MDGA2: variants seen among roughly 807,000 people sequenced by gnomAD.
MDGA2 encodes the protein MAM domain-containing glycosylphosphatidylinositol anchor protein 2.
A neutral mutation model predicts 117.8 loss-of-function variants in MDGA2; 40 were observed. The observed-to-expected ratio is 0.34, with a 90% CI of 0.26 to 0.44. The LOEUF (loss-of-function observed/expected upper bound fraction) is 0.44. Ranked by LOEUF, MDGA2 falls within the 20% of genes least tolerant of loss-of-function variation. The pLI is 1.00. For synonymous variants in MDGA2, 452 were observed against 439.0 expected, an observed-to-expected ratio of 1.03 and a Z score of -0.37; for missense variants, 1,123 against 1,250.6, an observed-to-expected ratio of 0.90 and a Z score of 1.54.
intron 6 of MDGA2, among the ~76,000 whole-genome samples, chr14:47,079,880 C>A (rs370070324): frequency 6.6e-6 from 1 of 151,610 alleles, no homozygotes. Flanking sequence ...TACAGGCGCC[C>A]GCCACCACGC....
chr14:46,936,420 G>A (rs547072205), intron 9 of MDGA2, among the ~76,000 whole-genome samples: 1 of 152,036 alleles, frequency 6.6e-6, no homozygotes, highest in East Asian at 1.9e-4. Context: ...ATGTATATTG[G>A]TACATGTAGG....
chr14:47,225,573 A>T (rs1395314591), intron 2 of MDGA2, among the ~76,000 whole-genome samples: 2 of 151,222 alleles, frequency 1.3e-5, no homozygotes, highest in South Asian at 4.2e-4. Context: ...CAAAAAACCA[A>T]ACACCGCATG....
intron 1 of MDGA2, among the ~76,000 whole-genome samples, chr14:47,645,209 TA>T (rs1266421924): frequency 6.6e-6 from 1 of 152,044 alleles, no homozygotes; most frequent in Non-Finnish European, 1.5e-5. Flanking sequence ...TCTCTAAAAA[TA>T]ATGCAGCTAC....
intron 1 of MDGA2, among the ~76,000 whole-genome samples, chr14:47,430,865 T>C (rs1299020499): frequency 1.3e-5 from 2 of 152,126 alleles, no homozygotes; most frequent in African/African-American, 4.8e-5. Flanking sequence ...GGCAAGTTAA[T>C]TAATTCAGTT....
At chr14:47,075,929 A>G (rs1311083311) in intron 6 of MDGA2, among the ~76,000 whole-genome samples, 1 of 152,106 alleles carries the variant, frequency 6.6e-6, no homozygotes, top group Non-Finnish European at 1.5e-5. Context: ...CCTCCTATTA[A>G]ACTATTCTCC....
intron 1 of MDGA2, among the ~76,000 whole-genome samples, chr14:47,399,176 A>C (rs1392341568): frequency 6.6e-6 from 1 of 152,204 alleles, no homozygotes; most frequent in Non-Finnish European, 1.5e-5. Context: ...TGTACAGAAG[A>C]GAAATGTCAA....
At chr14:47,335,751 T>TATATATATATATATATATATAC (rs1290712163) in intron 1 of MDGA2, among the ~76,000 whole-genome samples, 2 of 143,080 alleles carry the variant, frequency 1.4e-5, no homozygotes, top group East Asian at 2.2e-4. Context: ...TATATATACA[T>TATATATATATATATATATATAC]ACATACATAC....
At chr14:47,467,263 T>C (rs937680387) in intron 1 of MDGA2, among the ~76,000 whole-genome samples, 18 of 152,126 alleles carry the variant, frequency 1.2e-4, no homozygotes, top group Non-Finnish European at 1.5e-5. Flanking sequence ...AGACTAAGCA[T>C]TATTATGTAC....
In MDGA2 at chr14:47,098,162, G is replaced by GTT. The variant is rs113151791; in HGVS notation, c.926-1041_926-1040dup. ...TATTTAAACTGTTCAATTGTACTGT[G>GTT]TTTTTTTTAATATATTAACTTCAGC... On this transcript the variant is annotated intron_variant, in intron 5 of 16. Coordinates refer to ENST00000399232, the MANE Select transcript of MDGA2 (RefSeq NM_001113498.3). 6.7e-4 allele frequency among the ~76,000 whole-genome samples: 95 copies of GTT among 141,684 alleles called. 2 individuals are homozygous for GTT. The highest frequency in any genetic ancestry group is 2.4e-3 in the African/African-American group (92 of 38,280). The allele number at this position is 141,684 out of a possible 152,430, so 93.0% of individuals were successfully genotyped here. A position where few individuals can be genotyped will look rare whatever the true frequency, so the allele number is the denominator to read the frequency against.
intron 8 of MDGA2, among the ~76,000 whole-genome samples, chr14:46,979,674 T>C (rs1886595245): frequency 1.3e-5 from 2 of 152,082 alleles, no homozygotes; most frequent in African/African-American, 4.8e-5. Context: ...AAACCCTAAT[T>C]TACAGCAGGG....
chr14:47,146,198 A>G lies in MDGA2; in HGVS notation c.596-1924T>C, dbSNP rs565802006. Among the ~76,000 whole-genome samples, 8 of 152,250 alleles carry G rather than the reference A, an allele frequency of 5.3e-5. No individual in the cohort carries two copies. The East Asian group carries it at 1.5e-3, about 29-fold the overall frequency. ...ATCAAAGTAAAGAACAGAATCCAAA[A>G]TTTCCCCATTTTTTAAAAAGTTTTT... On this transcript the variant is annotated intron_variant, in intron 3 of 16. Coordinates refer to ENST00000399232, the MANE Select transcript of MDGA2 (RefSeq NM_001113498.3).
At position 47,107,023 on chromosome 14, in the gene MDGA2, C is replaced by T. The variant is rs189368369; in HGVS notation, c.926-9900G>A. ...GCTATATCTCATTGCCACCCTTCTT[C>T]CCAAGCCAAAGCCTCCTTTGCGTCC... On this transcript the variant is annotated intron_variant, in intron 5 of 16. Coordinates refer to ENST00000399232, the MANE Select transcript of MDGA2 (RefSeq NM_001113498.3). Among the ~76,000 whole-genome samples, 96 of 116,900 alleles carry T rather than the reference C, an allele frequency of 8.2e-4. 15 individuals carry two copies. Among genetic ancestry groups the T allele is most frequent in the Non-Finnish European group, 1.4e-3 (78 of 56,284 alleles). 76.7% of individuals were successfully genotyped at this position (116,900 alleles called of 152,430 possible).
At chr14:47,217,345 T>C (rs187086941) in intron 3 of MDGA2, among the ~76,000 whole-genome samples, 156 of 151,850 alleles carry the variant, frequency 1.0e-3, no homozygotes, top group Non-Finnish European at 1.8e-3. Context: ...AAATTAAATG[T>C]AGGCCCTTGC....
At chr14:47,518,460 T>C (rs1476340840) in intron 1 of MDGA2, among the ~76,000 whole-genome samples, 1 of 152,226 alleles carries the variant, frequency 6.6e-6, no homozygotes. Flanking sequence ...ATTAATTGCT[T>C]AGAATAAAAC....
intron 1 of MDGA2, among the ~76,000 whole-genome samples, chr14:47,416,543 C>T (rs2138497678): frequency 6.6e-6 from 1 of 152,240 alleles, no homozygotes; most frequent in Admixed American, 6.5e-5. Context: ...TCCAGAGTCA[C>T]AAAAGTGCCC....
intron 1 of MDGA2, among the ~76,000 whole-genome samples, chr14:47,665,898 CTCCATGGTGCCCAG>C (rs1319003820): frequency 2.7e-5 from 4 of 149,528 alleles, no homozygotes; most frequent in Admixed American, 2.7e-4. Flanking sequence ...CGGCCCCCTG[CTCCATGGTGCCCAG>C]TCCCATCAAC....
intron 10 of MDGA2, among the ~76,000 whole-genome samples, chr14:46,909,488 G>A (rs1034063642): frequency 8.5e-5 from 13 of 152,076 alleles, no homozygotes; most frequent in African/African-American, 2.9e-4. Context: ...TTAAGGCCTG[G>A]TACCTGCATC....
chr14:47,171,101 A>C (rs1020806207), intron 3 of MDGA2, among the ~76,000 whole-genome samples: 1 of 152,036 alleles, frequency 6.6e-6, no homozygotes, highest in African/African-American at 2.4e-5. Context: ...CCCCAAGGAT[A>C]ATTAAGGCAA....
At chr14:46,932,828 A>G (rs1279986437) in intron 9 of MDGA2, among the ~76,000 whole-genome samples, 2 of 152,022 alleles carry the variant, frequency 1.3e-5, no homozygotes, top group African/African-American at 4.8e-5. Flanking sequence ...TTTGAAATTA[A>G]ACTGTCTTTA....
Sources: allele counts gnomAD v4.1 joint callset (sites outside exome capture counted in the v4.1 genomes callset), GRCh38; gene constraint gnomAD v4.1.1; transcripts MANE v1.5; gene names NCBI Gene and HGNC (gene_info 2026-07-23, HGNC 2026-07-21).